NEGR1: variants seen among roughly 807,000 people sequenced by gnomAD.
NEGR1 encodes neuronal growth regulator 1.
A neutral mutation model predicts 40.9 loss-of-function variants in NEGR1; 10 were observed. That is an observed-to-expected ratio of 0.24 (90% CI 0.15 to 0.42). The LOEUF (loss-of-function observed/expected upper bound fraction) is 0.42. Among genes scored for constraint, NEGR1 ranks in the 10% least tolerant of loss-of-function variants. The pLI is 1.00. For synonymous variants in NEGR1, 185 were observed against 166.8 expected (o/e 1.11, Z -0.84); for missense variants, 352 against 438.9 (o/e 0.80, Z 1.77).
At chr1:72,042,003 T>C (rs1646960837) in intron 1 of NEGR1, among the ~76,000 whole-genome samples, 1 of 145,760 alleles carries the variant, frequency 6.9e-6, no homozygotes, top group South Asian at 2.1e-4. Flanking sequence ...CTCAAATATA[T>C]AATATACATT....
At chr1:71,905,864 C>CA (rs34891986) in intron 2 of NEGR1, among the ~76,000 whole-genome samples, 44,364 of 106,586 alleles carry the variant, frequency 0.42, 7,283 homozygotes, top group East Asian at 0.6. Context: ...GAGGTTGTTA[C>CA]AAAAAAAAAA....
intron 1 of NEGR1, among the ~76,000 whole-genome samples, chr1:71,965,258 A>C (rs2100304153): frequency 6.6e-6 from 1 of 152,318 alleles, no homozygotes; most frequent in South Asian, 2.1e-4. Flanking sequence ...CACAGGCATA[A>C]AATCAGTGAA....
chr1:72,275,704 C>A (rs781555821), intron 1 of NEGR1, among the ~76,000 whole-genome samples: 1 of 152,090 alleles, frequency 6.6e-6, no homozygotes, highest in African/African-American at 2.4e-5. Flanking sequence ...AATAGTAGGA[C>A]TCAATGACAA....
At chr1:71,957,520 T>G (rs1342886032) in intron 1 of NEGR1, among the ~76,000 whole-genome samples, 1 of 152,194 alleles carries the variant, frequency 6.6e-6, no homozygotes, top group Non-Finnish European at 1.5e-5. Context: ...ATAAATTTTT[T>G]GAAAATGTAT....
intron 5 of NEGR1, among the ~76,000 whole-genome samples, chr1:71,606,345 AG>A (rs1476089390): frequency 6.6e-6 from 1 of 152,184 alleles, no homozygotes; most frequent in Admixed American, 6.5e-5. Context: ...CAGATTCTCC[AG>A]CCCCAGTCAA....
intron 1 of NEGR1, among the ~76,000 whole-genome samples, chr1:72,134,641 T>G (rs1271586062): frequency 9.0e-5 from 3 of 33,294 alleles, no homozygotes; most frequent in Non-Finnish European, 2.7e-4. Context: ...GATTAGAGGT[T>G]TCCTTTTTTT....
rs868515301 is a variant in NEGR1 at position 71,467,143 on chromosome 1, T to C, written c.941-59573A>G. On this transcript the variant is annotated intron_variant, in intron 6 of 6. Transcript: ENST00000357731. The stretch of plus-strand genomic sequence containing the variant: ...AATAAAACAAAATTGGCCTATGTTT[T>C]CTCAGAAGTCATGCATTTTGGCTCA... 7.9e-5 allele frequency among the ~76,000 whole-genome samples: 12 copies of C among 152,246 alleles called. No individual in the cohort carries two copies. In the South Asian group the frequency reaches 1.0e-3, roughly 13 times the overall value.
rs931357832 is a variant in NEGR1, at chr1:72,030,035, A to AG, written c.177-94725_177-94724insC. Reference sequence around the variant, plus strand: ...TGTTTAAAAGGAGTGAAATATGAAAAAAAAAATCTTACAGCTTTGCAAACA... The same window carrying AG: ...TGTTTAAAAGGAGTGAAATATGAAAAGAAAAAATCTTACAGCTTTGCAAACA... On this transcript the variant is annotated intron_variant, in intron 1 of 6. Coordinates refer to ENST00000357731, the MANE Select transcript of NEGR1 (RefSeq NM_173808.3). Among the ~76,000 whole-genome samples the AG allele has an allele frequency of 7.6e-4, 116 of 151,638 alleles. 1 individual carries two copies. The highest frequency in any genetic ancestry group is 6.3e-3 in the South Asian group (30 of 4,762).
At chr1:71,633,742 C>T (rs1010770406) in intron 4 of NEGR1, among the ~76,000 whole-genome samples, 25 of 152,078 alleles carry the variant, frequency 1.6e-4, no homozygotes, top group African/African-American at 6.0e-4. Context: ...TATAGATTGG[C>T]CCCTTCGCTT....
At chr1:71,788,446 G>GAA (rs138301176) in intron 2 of NEGR1, among the ~76,000 whole-genome samples, 14 of 151,016 alleles carry the variant, frequency 9.3e-5, no homozygotes, top group East Asian at 1.9e-4. Flanking sequence ...AGTTCACATG[G>GAA]AAAAAAAAAG....
At chr1:71,416,631 T>C (rs74089308) in intron 6 of NEGR1, among the ~76,000 whole-genome samples, 1 of 152,164 alleles carries the variant, frequency 6.6e-6, no homozygotes, top group Non-Finnish European at 1.5e-5. Context: ...TGGCTATTTT[T>C]AAATCCTTAA....
chr1:71,821,345 C>T (rs1340708288), intron 2 of NEGR1, among the ~76,000 whole-genome samples: 1 of 151,978 alleles, frequency 6.6e-6, no homozygotes, highest in African/African-American at 2.4e-5. Flanking sequence ...ACCTGTGAAG[C>T]TTAAAGGGTC....
At chr1:72,144,538 T>C (rs1477297753) in intron 1 of NEGR1, among the ~76,000 whole-genome samples, 2 of 151,960 alleles carry the variant, frequency 1.3e-5, no homozygotes, top group Admixed American at 6.6e-5. Context: ...CATACATTCA[T>C]GATTAGAGAG....
chr1:72,099,049 GTTA>G (rs1648828436), intron 1 of NEGR1, among the ~76,000 whole-genome samples: 1 of 151,652 alleles, frequency 6.6e-6, no homozygotes, highest in Admixed American at 6.6e-5. Context: ...CATTTAAATT[GTTA>G]TTAATTATAT....
chr1:71,616,270 C>T (rs1175074861), intron 4 of NEGR1, among the ~76,000 whole-genome samples: 6 of 152,156 alleles, frequency 3.9e-5, no homozygotes, highest in Non-Finnish European at 8.8e-5. Context: ...TGCTCCCCAT[C>T]GCTGGCATTA....
chr1:72,281,233 G>T (rs562085576), intron 1 of NEGR1, among the ~76,000 whole-genome samples: 3 of 150,202 alleles, frequency 2.0e-5, no homozygotes, highest in East Asian at 3.9e-4. Context: ...CACAGAAAGA[G>T]AAAAAGAGAG....
chr1:72,151,647 C>CAAA (rs1486880875), intron 1 of NEGR1, among the ~76,000 whole-genome samples: 1 of 151,542 alleles, frequency 6.6e-6, no homozygotes, highest in Non-Finnish European at 1.5e-5. Context: ...TAAGAGAAGT[C>CAAA]AACGGGAAAT....
chr1:71,627,175 T>C (rs1324550273), intron 4 of NEGR1, among the ~76,000 whole-genome samples: 1 of 152,174 alleles, frequency 6.6e-6, no homozygotes, highest in African/African-American at 2.4e-5. Flanking sequence ...TAAATCATGA[T>C]GCTATAAAGA....
In NEGR1 at chr1:71,826,036, A is replaced by G. The variant is rs74658729; in HGVS notation, c.410-49739T>C. ...ATACGCCACAAAGAAGATGCATGAT[A>G]GAAGATACGCCTCTATCGGCTGTTT... On this transcript the variant is annotated intron_variant, in intron 2 of 6. Coordinates refer to ENST00000357731, the MANE Select transcript of NEGR1 (RefSeq NM_173808.3). Among the ~76,000 whole-genome samples the G allele has an allele frequency of 5.2e-3, 784 of 152,022 alleles. 18 individuals carry two copies. Among genetic ancestry groups the G allele is most frequent in the Admixed American group, 0.038 (576 of 15,248 alleles).
Sources: allele counts gnomAD v4.1 joint callset (sites outside exome capture counted in the v4.1 genomes callset), GRCh38; gene constraint gnomAD v4.1.1; transcripts MANE v1.5; gene names NCBI Gene and HGNC (gene_info 2026-07-23, HGNC 2026-07-21).